The following TNKS variants were observed in gnomAD, a reference collection of about 807,000 sequenced individuals.
TNKS encodes tankyrase.
A neutral mutation model predicts 135.8 loss-of-function variants in TNKS; 72 were observed. The observed-to-expected ratio is 0.53, with a 90% confidence interval of 0.44 to 0.64. The LOEUF is 0.64. Ranked by LOEUF, TNKS falls within the 30% of genes least tolerant of loss-of-function variation. TNKS has a pLI of 0.00. For missense variants in TNKS, 1,769 were observed against 1,674.0 expected (o/e 1.06, Z -0.99); for synonymous variants, 849 against 649.3 (o/e 1.31, Z -4.68).
chr8:9,738,884 G>A (rs1585398281), intron 17 of TNKS, among the ~76,000 whole-genome samples: 1 of 145,310 alleles, frequency 6.9e-6, no homozygotes, highest in East Asian at 2.1e-4. Context: ...CTGTTGATTT[G>A]GGGTGGAGAG....
chr8:9,578,243 C>T (rs2129052985), intron 1 of TNKS, among the ~76,000 whole-genome samples: 1 of 152,298 alleles, frequency 6.6e-6, no homozygotes, highest in African/African-American at 2.4e-5. Flanking sequence ...ATTCAACCTT[C>T]CTGGGTCAGG....
chr8:9,655,940 A>G (rs1032211149), intron 3 of TNKS, among the ~76,000 whole-genome samples: 2 of 152,154 alleles, frequency 1.3e-5, no homozygotes, highest in African/African-American at 4.8e-5. Context: ...AGATCAAACT[A>G]TTCCGAGCTA....
At chr8:9,607,863 C>T (rs1563113107) in intron 2 of TNKS, among the ~76,000 whole-genome samples, 1 of 151,804 alleles carries the variant, frequency 6.6e-6, no homozygotes, top group Non-Finnish European at 1.5e-5. Flanking sequence ...TGAAACACTC[C>T]TTTTTTTTGA....
chr8:9,662,416 T>TA (rs1360607349), intron 3 of TNKS, among the ~76,000 whole-genome samples: 1 of 152,010 alleles, frequency 6.6e-6, no homozygotes, highest in African/African-American at 2.4e-5. Flanking sequence ...TATGCAGCCA[T>TA]AAAAAAGGAT....
chr8:9,763,101 A>T, intron 21 of TNKS, 46 bp from the exon 22 acceptor site: 46 of 649,088 alleles, frequency 7.1e-5, no homozygotes, highest in Non-Finnish European at 1.1e-4. Flanking sequence ...ATAGAGCCTG[A>T]GTAGTGTAGA....
chr8:9,772,993 T>C (rs192323528), intron 26 of TNKS, among the ~76,000 whole-genome samples: 6 of 151,520 alleles, frequency 4.0e-5, no homozygotes, highest in African/African-American at 1.2e-4. Flanking sequence ...TTTGGTACCA[T>C]TTTAATTTTT....
intron 3 of TNKS, among the ~76,000 whole-genome samples, chr8:9,648,157 T>C (rs956096949): frequency 1.3e-5 from 2 of 152,172 alleles, no homozygotes; most frequent in Admixed American, 6.5e-5. Context: ...TAGAGCATTA[T>C]TGTACACTAC....
chr8:9,765,307 G>A (rs1807368519), intron 23 of TNKS, among the ~76,000 whole-genome samples: 4 of 152,078 alleles, frequency 2.6e-5, no homozygotes, highest in Non-Finnish European at 5.9e-5. Flanking sequence ...TAACAGACCT[G>A]TAAAAGTTAT....
At chr8:9,673,776 C>T (rs1346620413) in intron 3 of TNKS, among the ~76,000 whole-genome samples, 2 of 151,864 alleles carry the variant, frequency 1.3e-5, no homozygotes, top group Non-Finnish European at 2.9e-5. Flanking sequence ...ATGCAGGGGT[C>T]GGGGGGTTCA....
At chr8:9,729,293 C>A (rs1211685025) in intron 13 of TNKS, among the ~76,000 whole-genome samples, 1 of 152,198 alleles carries the variant, frequency 6.6e-6, no homozygotes, top group Non-Finnish European at 1.5e-5. Flanking sequence ...CACAAACATT[C>A]AACCCGTAGC....
At chr8:9,635,796 T>C (rs1282929943) in intron 3 of TNKS, among the ~76,000 whole-genome samples, 2 of 152,216 alleles carry the variant, frequency 1.3e-5, no homozygotes, top group African/African-American at 4.8e-5. Context: ...AAATAGCCTG[T>C]ATTTTTAAAA....
At chr8:9,745,064 C>T (rs1166335324) in intron 17 of TNKS, among the ~76,000 whole-genome samples, 1 of 152,142 alleles carries the variant, frequency 6.6e-6, no homozygotes, top group Non-Finnish European at 1.5e-5. Flanking sequence ...AATTAATCAT[C>T]AGAAACACAG....
Position 9,751,599 on chromosome 8 carries a change from AT to A in TNKS, c.2833-3del. 1.2e-6 allele frequency: 2 copies of A among 1,604,106 alleles called. No homozygotes were observed. Among genetic ancestry groups the A allele is most frequent in the Non-Finnish European group, 1.7e-6 (2 of 1,174,836 alleles). On this transcript the variant is annotated splice_polypyrimidine_tract_variant and intron_variant, in intron 18 of 26. Transcript: ENST00000310430. ...ATTTTCATGGTTTTTGTTTTTAATC[AT>A]TTTTTTAGGCTGACGATATCAGAGC...
rs1220262502 is a variant in TNKS at position 9,734,880 on chromosome 8, A to G, written c.2329A>G (p.Thr777Ala). The G allele has an allele frequency of 1.2e-6, 2 of 1,614,036 alleles. No individual in the cohort carries two copies. The highest frequency in any genetic ancestry group is 1.1e-5 in the South Asian group (1 of 91,060). The change falls in exon 16 of 27, where the codon ACT becomes GCT. Residue 777 changes from threonine (T) to alanine (A), a missense_variant. Physicochemically the swap from Thr to Ala is moderately conservative, Grantham distance 58. This residue lies in a region of TNKS where 722 missense variants were observed against 688.9 expected (regional missense o/e 1.05). Transcript: ENST00000310430. ...KLLLKHGADPTKKNRDGNTPL... is the reference protein window; with the variant it reads ...KLLLKHGADPAKKNRDGNTPL... ...TTCTTTGTAGCATGGAGCAGATCCA[A>G]CTAAAAAGAACAGAGATGGAAATAC...
At chr8:9,575,210 C>T (rs765702025) in intron 1 of TNKS, 13 of 545,118 alleles carry the variant, frequency 2.4e-5, no homozygotes, top group South Asian at 8.0e-5. Flanking sequence ...CCTCAGCCTC[C>T]GGAGTAGCTG....
chr8:9,719,942 C>G (rs1241827833), intron 11 of TNKS, among the ~76,000 whole-genome samples: 1 of 152,130 alleles, frequency 6.6e-6, no homozygotes. Flanking sequence ...ATATAATCAA[C>G]TACTTTGACA....
chr8:9,778,396 TA>T lies in TNKS; in HGVS notation c.*1664del, dbSNP rs1808321242. ...CCTCCTTTAATCTCCTGAAGCAAAATAAAATGGTTACATGCAAAACTTCTAG... is the reference window on the plus strand; with the variant it reads ...CCTCCTTTAATCTCCTGAAGCAAAATAAATGGTTACATGCAAAACTTCTAG... On this transcript the variant is annotated 3_prime_UTR_variant, in exon 27 of 27. Transcript: ENST00000310430. The T allele has an allele frequency of 6.6e-6, 1 of 152,528 alleles. No individual in the cohort carries two copies. The highest frequency in any genetic ancestry group is 2.4e-5 in the African/African-American group (1 of 41,454). 9.4% of individuals were successfully genotyped at this position (152,528 alleles called of 1,614,324 possible).
chr8:9,561,153 ATAG>A (rs1355879656), intron 1 of TNKS, among the ~76,000 whole-genome samples: 4 of 152,206 alleles, frequency 2.6e-5, no homozygotes, highest in East Asian at 1.9e-4. Flanking sequence ...GTGAGTGTAA[ATAG>A]TAGGCATCTG....
chr8:9,584,846 A>T (rs1031408234), intron 2 of TNKS, among the ~76,000 whole-genome samples: 8 of 152,214 alleles, frequency 5.3e-5, no homozygotes, highest in Non-Finnish European at 8.8e-5. Flanking sequence ...TAGGGAAGAG[A>T]CAGCTTGCTG....
Sources: allele counts gnomAD v4.1 joint callset (sites outside exome capture counted in the v4.1 genomes callset), GRCh38; gene constraint gnomAD v4.1.1; regional missense constraint gnomAD v4.1.1; transcripts MANE v1.5; gene names NCBI Gene and HGNC (gene_info 2026-07-23, HGNC 2026-07-21).